The following CDKAL1 variants were observed in gnomAD, a reference collection of about 807,000 sequenced individuals.
CDKAL1 encodes the protein CDKAL1 threonylcarbamoyladenosine tRNA methylthiotransferase, also known as threonylcarbamoyladenosine tRNA methylthiotransferase.
A neutral mutation model predicts 68.2 loss-of-function variants in CDKAL1; 32 were observed. The observed-to-expected ratio is 0.47, with a 90% CI of 0.35 to 0.63. CDKAL1 has a LOEUF of 0.63. Ranked by LOEUF, CDKAL1 falls within the 30% of genes least tolerant of loss-of-function variation. The probability of loss-of-function intolerance (pLI) is 0.00; values close to 1 mark genes in which losing one functional copy is unlikely to be tolerated. For synonymous variants in CDKAL1, 234 were observed against 244.3 expected, an observed-to-expected ratio of 0.96 and a Z score of 0.39; for missense variants, 606 against 696.7, an observed-to-expected ratio of 0.87 and a Z score of 1.47.
chr6:21,056,172 ATTTG>A (rs576228413), intron 11 of CDKAL1, among the ~76,000 whole-genome samples: 3 of 151,966 alleles, frequency 2.0e-5, no homozygotes, highest in Admixed American at 2.0e-4. Flanking sequence ...ATGTTTTTCC[ATTTG>A]TTTGTGTCCT....
intron 7 of CDKAL1, among the ~76,000 whole-genome samples, chr6:20,759,917 A>G (rs1668594293): frequency 6.6e-6 from 1 of 152,146 alleles, no homozygotes; most frequent in African/African-American, 2.4e-5. Context: ...TGAGAAACTT[A>G]TATTTTTTAA....
chr6:21,186,179 T>C (rs757496169), intron 13 of CDKAL1, among the ~76,000 whole-genome samples: 4 of 152,180 alleles, frequency 2.6e-5, no homozygotes, highest in Non-Finnish European at 4.4e-5. Flanking sequence ...TTATGCTAAT[T>C]AGACACCATT....
intron 4 of CDKAL1, among the ~76,000 whole-genome samples, chr6:20,568,210 A>G: frequency 6.6e-6 from 1 of 151,870 alleles, no homozygotes; most frequent in East Asian, 2.0e-4. Context: ...GTAGAGACGG[A>G]GTCTTGCCAT....
At chr6:20,865,362 T>C (rs561756290) in intron 9 of CDKAL1, among the ~76,000 whole-genome samples, 3 of 152,272 alleles carry the variant, frequency 2.0e-5, no homozygotes, top group African/African-American at 2.4e-5. Context: ...CTTAGTGGAA[T>C]TGCCATCACA....
At chr6:20,932,237 G>A (rs1297627578) in intron 9 of CDKAL1, among the ~76,000 whole-genome samples, 3 of 152,046 alleles carry the variant, frequency 2.0e-5, no homozygotes, top group South Asian at 2.1e-4. Context: ...CTTGTTTTAA[G>A]GATTTTGATA....
chr6:20,712,196 G>A (rs1040978474), intron 5 of CDKAL1, among the ~76,000 whole-genome samples: 2 of 152,160 alleles, frequency 1.3e-5, no homozygotes, highest in African/African-American at 4.8e-5. Context: ...CAGAAACCAA[G>A]AGAGAGTGGT....
At position 20,645,615 on chromosome 6, in the gene CDKAL1, C is replaced by T. The variant is rs145756811; in HGVS notation, c.287-3678C>T. Among the ~76,000 whole-genome samples, 1,019 of 151,850 alleles carry T rather than the reference C, an allele frequency of 6.7e-3. 5 individuals are homozygous for T. Among genetic ancestry groups the T allele is most frequent in the Non-Finnish European group, 0.011 (735 of 67,902 alleles). ...GTGTGGTGGCAGGTGCCTGTAGTCCCAGCTACTTGGGCGGCTGAGGCAGGA... is the reference window on the plus strand; with the variant it reads ...GTGTGGTGGCAGGTGCCTGTAGTCCTAGCTACTTGGGCGGCTGAGGCAGGA... On this transcript the variant is annotated intron_variant, in intron 4 of 15. Coordinates refer to ENST00000274695, the MANE Select transcript of CDKAL1 (RefSeq NM_017774.3).
rs200338848 is a variant in CDKAL1, at chr6:20,752,036, AT to A, written c.469-6549del. Among the ~76,000 whole-genome samples the A allele has an allele frequency of 2.8e-3, 387 of 140,674 alleles. 3 individuals carry two copies. Among genetic ancestry groups the A allele is most frequent in the African/African-American group, 7.3e-3 (280 of 38,166 alleles). The allele number at this position is 140,674 out of a possible 152,430, so 92.3% of individuals were successfully genotyped here. A position where few individuals can be genotyped will look rare whatever the true frequency, so the allele number is the denominator to read the frequency against. ...CTTCTTTCTCTGCCTCCCACCCTTC[AT>A]TTTTTTTTTCTTCTGATGTTTTCCT... On this transcript the variant is annotated intron_variant, in intron 6 of 15. Transcript: ENST00000274695.
chr6:20,930,460 A>C (rs1763387155), intron 9 of CDKAL1, among the ~76,000 whole-genome samples: 1 of 151,090 alleles, frequency 6.6e-6, no homozygotes, highest in Non-Finnish European at 1.5e-5. Context: ...ACTGTCAAAG[A>C]AGTAGTTTTT....
At chr6:20,915,278 C>T (rs1762671718) in intron 9 of CDKAL1, among the ~76,000 whole-genome samples, 1 of 151,988 alleles carries the variant, frequency 6.6e-6, no homozygotes, top group Non-Finnish European at 1.5e-5. Flanking sequence ...AGCAACAGAA[C>T]CATTGAACCA....
At chr6:21,003,161 TC>T (rs1767519424) in intron 11 of CDKAL1, among the ~76,000 whole-genome samples, 1 of 150,930 alleles carries the variant, frequency 6.6e-6, no homozygotes, top group South Asian at 2.1e-4. Flanking sequence ...CTTGGGGAAG[TC>T]CATCTACCTG....
At chr6:21,202,384 T>C (rs1778725838) in intron 15 of CDKAL1, among the ~76,000 whole-genome samples, 1 of 151,882 alleles carries the variant, frequency 6.6e-6, no homozygotes, top group South Asian at 2.1e-4. Flanking sequence ...ACCATTCATT[T>C]TTGCTGTTTA....
intron 11 of CDKAL1, among the ~76,000 whole-genome samples, chr6:21,014,196 A>C (rs1768173276): frequency 6.6e-6 from 1 of 152,228 alleles, no homozygotes; most frequent in Non-Finnish European, 1.5e-5. Context: ...AAACTAGAAA[A>C]TAACACATTT....
intron 4 of CDKAL1, among the ~76,000 whole-genome samples, chr6:20,593,064 G>C (rs531583413): frequency 1.3e-5 from 2 of 152,214 alleles, no homozygotes; most frequent in South Asian, 2.1e-4. Context: ...TGCTGGTTTT[G>C]GTTTGCCAGT....
chr6:20,789,081 T>C (rs750923859), intron 8 of CDKAL1, among the ~76,000 whole-genome samples: 6 of 152,228 alleles, frequency 3.9e-5, no homozygotes, highest in Non-Finnish European at 5.9e-5. Context: ...GAGAATATGA[T>C]AGTTTGGACT....
At chr6:20,988,592 C>T (rs982289690) in intron 10 of CDKAL1, among the ~76,000 whole-genome samples, 2 of 151,966 alleles carry the variant, frequency 1.3e-5, no homozygotes, top group Non-Finnish European at 2.9e-5. Flanking sequence ...AGAACTTAGA[C>T]CATGGAGTTA....
intron 9 of CDKAL1, among the ~76,000 whole-genome samples, chr6:20,952,054 G>T (rs1000156073): frequency 3.4e-5 from 5 of 148,424 alleles, no homozygotes; most frequent in Non-Finnish European, 4.4e-5. Context: ...CGCCTCCCAG[G>T]TTCACACCAT....
At chr6:21,089,400 C>T (rs183292843) in intron 12 of CDKAL1, among the ~76,000 whole-genome samples, 1 of 152,142 alleles carries the variant, frequency 6.6e-6, no homozygotes, top group African/African-American at 2.4e-5. Context: ...TCACTGGAGC[C>T]TAGGAGGCAG....
intron 6 of CDKAL1, among the ~76,000 whole-genome samples, chr6:20,752,328 T>A (rs978286510): frequency 6.6e-6 from 1 of 152,170 alleles, no homozygotes; most frequent in Non-Finnish European, 1.5e-5. Context: ...AATTATCATG[T>A]GTTGGCAATA....
Sources: gnomAD v4.1 joint callset for allele counts (sites outside exome capture counted in the v4.1 genomes callset) on GRCh38, gnomAD v4.1.1 for gene constraint, MANE v1.5 for transcripts, NCBI Gene and HGNC (gene_info 2026-07-23, HGNC 2026-07-21) for gene names.